The following PIAS2 variants were observed in gnomAD, a reference collection of about 807,000 sequenced individuals.
PIAS2 encodes E3 SUMO-protein ligase PIAS2.
In PIAS2, 19 loss-of-function variants were observed where a neutral mutation model predicts 69.7. The ratio of observed to expected loss-of-function variants is 0.27; its 90% CI spans 0.19 to 0.40. The LOEUF is 0.40. Ranked by LOEUF, PIAS2 falls within the 10% of genes least tolerant of loss-of-function variation. PIAS2 has a pLI of 1.00. For synonymous variants in PIAS2, 261 were observed against 263.2 expected (o/e 0.99, Z 0.08); for missense variants, 624 against 757.0 (o/e 0.82, Z 2.06).
rs200394650 is a variant in PIAS2 at position 46,812,557 on chromosome 18, G to A, written c.1742C>T (p.Thr581Met). 11 of 1,612,964 alleles carry A rather than the reference G, an allele frequency of 6.8e-6. No homozygotes were observed. Among genetic ancestry groups the A allele is most frequent in the African/African-American group, 1.3e-5 (1 of 74,978 alleles). Reference protein sequence around the residue: ...SLTSPLTASSTSVTTTSSHES... With the variant: ...SLTSPLTASSMSVTTTSSHES... ...ATGGGAGCTGGTGGTGGTGACAGAC[G>A]TACTGCTTGCTGTTAAGGGTGAGGT... The change falls in exon 14 of 14, where the codon ACG becomes ATG. Residue 581 changes from threonine to methionine, a missense_variant. By Grantham distance (81) the Thr-to-Met change is moderately conservative (BLOSUM62 -1). Coordinates refer to ENST00000585916, the MANE Select transcript of PIAS2 (RefSeq NM_004671.5).
At chr18:46,888,108 T>C (rs1284508614) in intron 2 of PIAS2, among the ~76,000 whole-genome samples, 11 of 152,032 alleles carry the variant, frequency 7.2e-5, no homozygotes, top group East Asian at 5.8e-4. Flanking sequence ...GTTTTTACAA[T>C]AGTATCAAAA....
intron 8 of PIAS2, among the ~76,000 whole-genome samples, chr18:46,842,277 CAAA>C (rs56665149): frequency 6.1e-5 from 6 of 98,514 alleles, no homozygotes; most frequent in Admixed American, 1.1e-4. Flanking sequence ...GTTATGAATG[CAAA>C]AAAAAAAAAA....
At position 46,811,281 on chromosome 18, in the gene PIAS2, C is replaced by A. The variant is rs1568325435; in HGVS notation, c.*1152G>T. The A allele has an allele frequency of 6.6e-6, 1 of 150,974 alleles. No homozygotes were observed. The highest frequency in any genetic ancestry group is 6.6e-5 in the Admixed American group (1 of 15,114). The allele number at this position is 150,974 out of a possible 1,614,324, so 9.4% of individuals were successfully genotyped here. A position where few individuals can be genotyped will look rare whatever the true frequency, so the allele number is the denominator to read the frequency against. On this transcript the variant is annotated 3_prime_UTR_variant, in exon 14 of 14. Transcript: ENST00000585916. ...TAAAAAAATGAAAAAAAAAAAAAATCTAATGCTGTCCCTTTCCCTAAGTTT... is the reference window on the plus strand; with the variant it reads ...TAAAAAAATGAAAAAAAAAAAAAATATAATGCTGTCCCTTTCCCTAAGTTT...
At chr18:46,902,969 C>T (rs749601844) in intron 1 of PIAS2, among the ~76,000 whole-genome samples, 1 of 152,174 alleles carries the variant, frequency 6.6e-6, no homozygotes, top group Non-Finnish European at 1.5e-5. Flanking sequence ...GGAAGAAAGA[C>T]AGCCTTTCAA....
At chr18:46,826,037 T>C (rs557064747) in intron 11 of PIAS2, among the ~76,000 whole-genome samples, 10 of 152,352 alleles carry the variant, frequency 6.6e-5, no homozygotes, top group African/African-American at 2.2e-4. Context: ...AATGTGTATG[T>C]ATGTCTAGGT....
intron 12 of PIAS2, 36 bp from the exon 13 acceptor site, chr18:46,815,385 A>T (rs1228780793): frequency 1.2e-6 from 2 of 1,609,080 alleles, no homozygotes; most frequent in South Asian, 2.2e-5. Context: ...GTTGTCTCAT[A>T]TTTTGGGAGA....
chr18:46,846,533 A>G (rs1397668270), intron 6 of PIAS2, 174 bp downstream of exon 6: 5 of 496,618 alleles, frequency 1.0e-5, no homozygotes, highest in Non-Finnish European at 1.7e-5. Flanking sequence ...GCTCAGAGTT[A>G]AAGTTTTTAA....
intron 9 of PIAS2, among the ~76,000 whole-genome samples, chr18:46,834,077 C>T (rs1225607051): frequency 6.6e-6 from 1 of 151,800 alleles, no homozygotes; most frequent in Non-Finnish European, 1.5e-5. Context: ...ATTTTTAGAC[C>T]TAGTATCTGA....
upstream of PIAS2, among the ~76,000 whole-genome samples, chr18:46,919,028 T>C (rs560903217): frequency 6.0e-5 from 9 of 151,234 alleles, no homozygotes; most frequent in East Asian, 1.6e-3. Context: ...TGTGTGTGTG[T>C]GTGTTGTGTA....
At chr18:46,857,057 G>T (rs902179470) in intron 3 of PIAS2, among the ~76,000 whole-genome samples, 1 of 152,228 alleles carries the variant, frequency 6.6e-6, no homozygotes, top group Non-Finnish European at 1.5e-5. Flanking sequence ...CACATGTCAA[G>T]TGCCTAAATA....
At chr18:46,843,261 T>A (rs535378463) in intron 8 of PIAS2, among the ~76,000 whole-genome samples, 1 of 152,284 alleles carries the variant, frequency 6.6e-6, no homozygotes, top group African/African-American at 2.4e-5. Flanking sequence ...ACACAATTTC[T>A]CCCCATTTAA....
rs1292060468 is a variant in PIAS2, at chr18:46,811,365, A to G, written c.*1068T>C. 6.6e-6 allele frequency: 1 copy of G among 152,214 alleles called. No homozygotes were observed. The highest frequency in any genetic ancestry group is 6.5e-5 in the Admixed American group (1 of 15,276). The allele number at this position is 152,214 out of a possible 1,614,324, so 9.4% of individuals were successfully genotyped here. A position where few individuals can be genotyped will look rare whatever the true frequency, so the allele number is the denominator to read the frequency against. On this transcript the variant is annotated 3_prime_UTR_variant, in exon 14 of 14. Transcript: ENST00000585916. ...GAGAAATATGATCATCATAAATCTAAAACACATTTTCTATGTAGTGCTACC... is the reference window on the plus strand; with the variant it reads ...GAGAAATATGATCATCATAAATCTAGAACACATTTTCTATGTAGTGCTACC...
At chr18:46,868,906 A>G (rs2049901402) in intron 2 of PIAS2, among the ~76,000 whole-genome samples, 1 of 152,214 alleles carries the variant, frequency 6.6e-6, no homozygotes, top group South Asian at 2.1e-4. Flanking sequence ...CCCCAGCATG[A>G]TGAATAAACC....
chr18:46,841,315 C>CT (rs1247151417), intron 8 of PIAS2, among the ~76,000 whole-genome samples: 10 of 152,186 alleles, frequency 6.6e-5, no homozygotes, highest in Non-Finnish European at 1.2e-4. Context: ...TTTATTCTAT[C>CT]ACCCTACACT....
upstream of PIAS2, among the ~76,000 whole-genome samples, chr18:46,918,790 G>A (rs2058305069): frequency 6.6e-6 from 1 of 151,940 alleles, no homozygotes; most frequent in East Asian, 1.9e-4. Context: ...TCTCTTCTTT[G>A]TTCCTAACTC....
intron 1 of PIAS2, among the ~76,000 whole-genome samples, chr18:46,912,806 T>C (rs1249569446): frequency 6.6e-6 from 1 of 152,162 alleles, no homozygotes; most frequent in Non-Finnish European, 1.5e-5. Context: ...TGGGATTTAA[T>C]GGAAAAGGGA....
intron 1 of PIAS2, chr18:46,891,340 T>G: frequency 4.4e-6 from 2 of 449,862 alleles, no homozygotes; most frequent in Non-Finnish European, 4.0e-6. Flanking sequence ...TATGCTCTAA[T>G]GCAAACAGTT....
intron 10 of PIAS2, among the ~76,000 whole-genome samples, 182 bp from the exon 11 acceptor site, chr18:46,828,312 T>C (rs2043106588): frequency 6.6e-6 from 1 of 152,186 alleles, no homozygotes; most frequent in Non-Finnish European, 1.5e-5. Flanking sequence ...GTAAAATGGT[T>C]GTTCACCTAG....
At chr18:46,839,004 T>A (rs2044884996) in intron 8 of PIAS2, among the ~76,000 whole-genome samples, 1 of 152,250 alleles carries the variant, frequency 6.6e-6, no homozygotes, top group Non-Finnish European at 1.5e-5. Flanking sequence ...GTTTTTTATA[T>A]CCTTTCAATT....
Sources: allele counts gnomAD v4.1 joint callset (sites outside exome capture counted in the v4.1 genomes callset), GRCh38; gene constraint gnomAD v4.1.1; transcripts MANE v1.5; gene names NCBI Gene and HGNC (gene_info 2026-07-23, HGNC 2026-07-21).